Variants in GAS7 observed in about 807,000 individuals in gnomAD.
GAS7 encodes the protein growth arrest specific 7, also known as growth arrest-specific protein 7.
GAS7 carries 28 observed loss-of-function variants against 71.1 expected under a neutral mutation model. The ratio of observed to expected loss-of-function variants is 0.39; its 90% confidence interval spans 0.29 to 0.54. The LOEUF is 0.54. GAS7 is among the 20% of genes least tolerant of loss of function. The probability of loss-of-function intolerance (pLI) is 0.62; values close to 1 mark genes in which losing one functional copy is unlikely to be tolerated. For synonymous variants in GAS7, 258 were observed against 245.8 expected, an observed-to-expected ratio of 1.05 and a Z score of -0.46; for missense variants, 436 against 627.8, an observed-to-expected ratio of 0.69 and a Z score of 3.27.
In GAS7 at chr17:10,019,788, G is replaced by A. The variant is rs377140711; in HGVS notation, c.293C>T (p.Thr98Met). The A allele has an allele frequency of 6.3e-5, 102 of 1,613,636 alleles. No individual in the cohort carries two copies. Among genetic ancestry groups the A allele is most frequent in the Non-Finnish European group, 8.1e-5 (96 of 1,179,850 alleles). Residue 98 changes from threonine to methionine, a missense_variant, in exon 2 of 14, where the codon ACG becomes ATG. Transcript: ENST00000432992. ...SPQGRRYYVN[T>M]TTNETTWERP... ...CGAGCGGGACTCACCATTGGTGGTCGTGTTGACATAGTACCGCCGGCCCTG... is the reference window on the plus strand; with the variant it reads ...CGAGCGGGACTCACCATTGGTGGTCATGTTGACATAGTACCGCCGGCCCTG...
chr17:10,036,196 T>A (rs1190357513), intron 1 of GAS7, among the ~76,000 whole-genome samples: 2 of 152,098 alleles, frequency 1.3e-5, no homozygotes, highest in Admixed American at 6.5e-5. Flanking sequence ...CCCATCCGCT[T>A]TTCCTGATCT....
intron 1 of GAS7, among the ~76,000 whole-genome samples, chr17:10,045,964 G>A (rs1424925910): frequency 6.6e-6 from 1 of 152,084 alleles, no homozygotes; most frequent in African/African-American, 2.4e-5. Flanking sequence ...ATTTGATTTG[G>A]TTTCTTTCTA....
At chr17:10,074,372 A>C (rs1454450833) in intron 1 of GAS7, among the ~76,000 whole-genome samples, 3 of 152,160 alleles carry the variant, frequency 2.0e-5, no homozygotes, top group Admixed American at 6.5e-5. Context: ...TGTACACTTG[A>C]CTTCAAGCAG....
intron 11 of GAS7, among the ~76,000 whole-genome samples, chr17:9,921,974 A>AAG (rs2067831339): frequency 6.6e-6 from 1 of 151,812 alleles, no homozygotes; most frequent in African/African-American, 2.4e-5. Flanking sequence ...AAAAAAAAAA[A>AAG]AAGCCTTTGT....
chr17:10,033,618 G>A (rs1451792209), intron 1 of GAS7, among the ~76,000 whole-genome samples: 2 of 152,172 alleles, frequency 1.3e-5, no homozygotes, highest in South Asian at 2.1e-4. Context: ...GCTGCTGCCC[G>A]CAGATGCACC....
intron 1 of GAS7, among the ~76,000 whole-genome samples, chr17:10,156,445 A>G (rs1383915090): frequency 3.3e-5 from 5 of 152,214 alleles, no homozygotes; most frequent in Admixed American, 6.5e-5. Context: ...AGTTTTAAAT[A>G]TATTCTCCCA....
At chr17:10,198,148 T>C in intron 1 of GAS7, 60 bp downstream of exon 1, 2 of 1,512,520 alleles carry the variant, frequency 1.3e-6, no homozygotes, top group Non-Finnish European at 1.8e-6. Flanking sequence ...GGGCAACAGG[T>C]ACGCGAGCGC....
chr17:10,196,898 C>G (rs2142160588), intron 1 of GAS7, among the ~76,000 whole-genome samples: 1 of 152,290 alleles, frequency 6.6e-6, no homozygotes, highest in Non-Finnish European at 1.5e-5. Flanking sequence ...ACACCTGAGC[C>G]TCTCCTACAA....
chr17:10,181,296 A>G (rs1414531247), intron 1 of GAS7, among the ~76,000 whole-genome samples: 2 of 151,336 alleles, frequency 1.3e-5, no homozygotes, highest in Non-Finnish European at 2.9e-5. Context: ...GGAGGTGGAG[A>G]TTGCAGTGAG....
At chr17:10,177,916 C>T (rs1326246453) in intron 1 of GAS7, among the ~76,000 whole-genome samples, 2 of 152,140 alleles carry the variant, frequency 1.3e-5, no homozygotes, top group East Asian at 1.9e-4. Flanking sequence ...CCTCAACACG[C>T]AATTCAGAAA....
At chr17:10,194,125 TTC>T (rs1381821524) in intron 1 of GAS7, among the ~76,000 whole-genome samples, 3 of 152,226 alleles carry the variant, frequency 2.0e-5, no homozygotes, top group Non-Finnish European at 4.4e-5. Context: ...CAGTGTCATA[TTC>T]TGTTAGTAAC....
chr17:9,935,908 G>A (rs929341751), intron 8 of GAS7, among the ~76,000 whole-genome samples: 4 of 152,208 alleles, frequency 2.6e-5, no homozygotes, highest in Non-Finnish European at 4.4e-5. Context: ...TGCCCCACCT[G>A]ATTCAACAGG....
intron 1 of GAS7, among the ~76,000 whole-genome samples, chr17:10,186,826 T>C (rs746528477): frequency 2.2e-4 from 34 of 152,116 alleles, no homozygotes; most frequent in Non-Finnish European, 4.7e-4. Flanking sequence ...AGGCAGAGGT[T>C]GCAGTGAGCC....
chr17:10,140,724 A>C (rs958737659), intron 1 of GAS7, among the ~76,000 whole-genome samples: 4 of 152,182 alleles, frequency 2.6e-5, no homozygotes, highest in African/African-American at 4.8e-5. Context: ...AAGTCCACAG[A>C]ATAGGTGGTC....
intron 1 of GAS7, among the ~76,000 whole-genome samples, chr17:10,166,366 G>C (rs1453172984): frequency 6.6e-6 from 1 of 152,136 alleles, no homozygotes; most frequent in Non-Finnish European, 1.5e-5. Context: ...GGCCCCAAGG[G>C]ACCTCCTTCA....
intron 9 of GAS7, among the ~76,000 whole-genome samples, chr17:9,932,627 G>A (rs2068249723): frequency 6.6e-6 from 1 of 152,176 alleles, no homozygotes; most frequent in Non-Finnish European, 1.5e-5. Flanking sequence ...AAACCTGGAG[G>A]TATGTGCCAG....
In GAS7 at chr17:9,981,679, C is replaced by T. The variant is rs1232477534; in HGVS notation, c.385+125G>A. On this transcript the variant is annotated intron_variant, in intron 3 of 13. Transcript: ENST00000432992. This position sits in a 1 kb window ranked among gnomAD's most constrained non-coding sequence, Gnocchi z 4.4. ...CAGGCCTAAGGGACCCTCTCCCAGGCCCAACCCCTCCCTGGGTTTGCTACA... is the reference window on the plus strand; with the variant it reads ...CAGGCCTAAGGGACCCTCTCCCAGGTCCAACCCCTCCCTGGGTTTGCTACA... 1.5e-6 allele frequency: 1 copy of T among 678,604 alleles called. No individual in the cohort carries two copies. The highest frequency in any genetic ancestry group is 1.7e-5 in the South Asian group (1 of 57,472). The allele number at this position is 678,604 out of a possible 1,614,324, so 42.0% of individuals were successfully genotyped here.
rs142478916 is a variant in GAS7 at position 10,150,987 on chromosome 17, T to A, written c.183+47221A>T. Among the ~76,000 whole-genome samples, 125 of 152,256 alleles carry A rather than the reference T, an allele frequency of 8.2e-4. 2 individuals carry two copies. In the Middle Eastern group the frequency reaches 0.01, roughly 12 times the overall value. ...TGCCTCAGTTTCCCCACCTGTAAAATGGGGACAATAGTAGAACCTAACGCA... is the reference window on the plus strand; with the variant it reads ...TGCCTCAGTTTCCCCACCTGTAAAAAGGGGACAATAGTAGAACCTAACGCA... On this transcript the variant is annotated intron_variant, in intron 1 of 13. Transcript: ENST00000432992.
At chr17:9,943,310 G>A in intron 6 of GAS7, 74 bp from the exon 7 acceptor site, 2 of 883,972 alleles carry the variant, frequency 2.3e-6, no homozygotes, top group South Asian at 1.4e-5. Context: ...CGTAGAGGGA[G>A]GACGGCTCCT....
Sources: gnomAD v4.1 joint callset for allele counts (sites outside exome capture counted in the v4.1 genomes callset) on GRCh38, gnomAD v4.1.1 for gene constraint, Gnocchi (gnomAD v3.1) non-coding constraint, MANE v1.5 for transcripts, NCBI Gene and HGNC (gene_info 2026-07-23, HGNC 2026-07-21) for gene names.